MIDEAS: variants seen among roughly 807,000 people sequenced by gnomAD.
MIDEAS encodes mitotic deacetylase associated SANT domain protein.
In MIDEAS, 26 loss-of-function variants were observed where a neutral mutation model predicts 102.7. The ratio of observed to expected loss-of-function variants is 0.25; its 90% CI spans 0.19 to 0.35. MIDEAS has a LOEUF of 0.35. Ranked by LOEUF, MIDEAS falls within the 10% of genes least tolerant of loss-of-function variation. MIDEAS has a pLI of 1.00. For missense variants in MIDEAS, 1,231 were observed against 1,435.6 expected, an observed-to-expected ratio of 0.86 and a Z score of 2.30; for synonymous variants, 585 against 591.0, an observed-to-expected ratio of 0.99 and a Z score of 0.15.
At chr14:73,761,855 G>A (rs1385180205), upstream of MIDEAS, among the ~76,000 whole-genome samples, 2 of 152,146 alleles carry the variant, frequency 1.3e-5, no homozygotes, top group Non-Finnish European at 2.9e-5. Flanking sequence ...AGGTCACAGG[G>A]CAAGCCAAGC....
intron 1 of MIDEAS, among the ~76,000 whole-genome samples, chr14:73,786,212 C>T (rs2053806914): frequency 1.3e-5 from 2 of 152,198 alleles, no homozygotes; most frequent in Admixed American, 6.5e-5. Flanking sequence ...GCCGCCAGCC[C>T]CTAGTTACTC....
At position 73,718,950 on chromosome 14, in the gene MIDEAS, TCTC is replaced by T. The variant is rs2052940065; in HGVS notation, c.3190_3192del (p.Glu1064del). On this transcript the variant is annotated inframe_deletion, in exon 13 of 13. Coordinates refer to ENST00000423556, the MANE Select transcript of MIDEAS (RefSeq NM_001367710.1). ...TTCAGCCTCAGCGCTGCAGCCTTCT[TCTC>T]CTGCTCTGCGTGGCTCTTCATATGC... is the stretch of plus-strand genomic sequence containing the variant. 1.3e-5 allele frequency: 20 copies of T among 1,523,112 alleles called. No individual in the cohort carries two copies. The highest frequency in any genetic ancestry group is 1.6e-5 in the Non-Finnish European group (18 of 1,142,596). The allele number at this position is 1,523,112 out of a possible 1,614,324, so 94.3% of individuals were successfully genotyped here.
intron 1 of MIDEAS, among the ~76,000 whole-genome samples, chr14:73,754,026 C>T (rs2053452957): frequency 6.6e-6 from 1 of 152,144 alleles, no homozygotes; most frequent in African/African-American, 2.4e-5. Flanking sequence ...GAAGGGACTC[C>T]AGTGTGGCAG....
At chr14:73,766,958 T>C (rs900503595) in intron 1 of MIDEAS, among the ~76,000 whole-genome samples, 1 of 149,512 alleles carries the variant, frequency 6.7e-6, no homozygotes, top group African/African-American at 2.5e-5. Context: ...TGGGTTCAAG[T>C]GATTCTTCTG....
intron 3 of MIDEAS, among the ~76,000 whole-genome samples, chr14:73,731,930 C>T (rs919246526): frequency 6.6e-6 from 1 of 152,212 alleles, no homozygotes; most frequent in African/African-American, 2.4e-5. Flanking sequence ...TAACAAAACA[C>T]AAACCTCCCC....
chr14:73,715,326 CTATTT>C lies in MIDEAS; in HGVS notation c.*3512_*3516del, dbSNP rs1351088974. ...AAGAGGTAATATTTATATATGTACACTATTTTAATATGTAACAGTCTTTTTAAAAA... is the reference window on the plus strand; with the variant it reads ...AAGAGGTAATATTTATATATGTACACTAATATGTAACAGTCTTTTTAAAAA... On this transcript the variant is annotated 3_prime_UTR_variant, in exon 13 of 13. Transcript: ENST00000423556. 3 of 152,544 alleles carry C rather than the reference CTATTT, an allele frequency of 2.0e-5. No homozygotes were observed. Among genetic ancestry groups the C allele is most frequent in the African/African-American group, 7.2e-5 (3 of 41,414 alleles). 9.4% of individuals were successfully genotyped at this position (152,544 alleles called of 1,614,324 possible). A position where few individuals can be genotyped will look rare whatever the true frequency, so the allele number is the denominator to read the frequency against.
chr14:73,731,961 A>G (rs561068707), intron 3 of MIDEAS, among the ~76,000 whole-genome samples: 1 of 152,382 alleles, frequency 6.6e-6, no homozygotes, highest in Non-Finnish European at 1.5e-5. Context: ...GTGTAGTACA[A>G]GTACTCACAG....
Position 73,742,409 on chromosome 14 carries a change from G to T in MIDEAS, c.-247-2154C>A. On this transcript the variant is annotated intron_variant, in intron 1 of 12. Coordinates refer to ENST00000423556, the MANE Select transcript of MIDEAS (RefSeq NM_001367710.1). The surrounding 1 kb of genome is among the most constrained non-coding windows in gnomAD (Gnocchi z 4.4). ...AGGGGTGCGCCCCCTCCATGGGGAT[G>T]GCTGCTCAGAAGGAGATGAGGCGGG... is the stretch of plus-strand genomic sequence containing the variant. Among the ~76,000 whole-genome samples the T allele has an allele frequency of 6.6e-6, 1 of 152,362 alleles. No homozygotes were observed. The highest frequency in any genetic ancestry group is 1.9e-4 in the East Asian group (1 of 5,178).
chr14:73,732,480 C>G (rs1042227098), intron 3 of MIDEAS, among the ~76,000 whole-genome samples: 1 of 152,150 alleles, frequency 6.6e-6, no homozygotes, highest in Non-Finnish European at 1.5e-5. Context: ...ATTTAAGGAA[C>G]TGACACAATA....
intron 1 of MIDEAS, among the ~76,000 whole-genome samples, chr14:73,774,610 TCTC>T (rs2053673848): frequency 6.6e-6 from 1 of 151,854 alleles, no homozygotes; most frequent in African/African-American, 2.4e-5. Context: ...ACCACAGACA[TCTC>T]CTCAGTGTCC....
chr14:73,757,216 G>A (rs1595285861), intron 1 of MIDEAS, among the ~76,000 whole-genome samples: 1 of 135,016 alleles, frequency 7.4e-6, no homozygotes, highest in South Asian at 2.4e-4. Context: ...AGATTGCAGC[G>A]ACCTGAGATC....
intron 1 of MIDEAS, among the ~76,000 whole-genome samples, chr14:73,783,127 T>C (rs1372457653): frequency 1.3e-5 from 2 of 152,190 alleles, no homozygotes; most frequent in African/African-American, 4.8e-5. Flanking sequence ...CAAAGGCTCA[T>C]TTAATTTGCT....
At chr14:73,762,595 T>C (rs1301087425), upstream of MIDEAS, among the ~76,000 whole-genome samples, 1 of 152,232 alleles carries the variant, frequency 6.6e-6, no homozygotes, top group Admixed American at 6.5e-5. Context: ...TAAAGAAAGC[T>C]GCAGCGCTTC....
At chr14:73,732,548 G>A (rs1313066431) in intron 3 of MIDEAS, among the ~76,000 whole-genome samples, 1 of 152,172 alleles carries the variant, frequency 6.6e-6, no homozygotes, top group African/African-American at 2.4e-5. Flanking sequence ...CACTTTGGGA[G>A]GCCAAGGTGG....
chr14:73,776,239 G>A (rs538604723), intron 1 of MIDEAS, among the ~76,000 whole-genome samples: 5 of 152,102 alleles, frequency 3.3e-5, no homozygotes, highest in African/African-American at 9.6e-5. Flanking sequence ...TCCAGATGCC[G>A]GGATGATCTC....
chr14:73,777,859 A>C (rs889454417), intron 1 of MIDEAS, among the ~76,000 whole-genome samples: 1 of 151,938 alleles, frequency 6.6e-6, no homozygotes, highest in Non-Finnish European at 1.5e-5. Context: ...ACACCTTGAC[A>C]TTGATACCTG....
chr14:73,767,318 G>A (rs974420985), intron 1 of MIDEAS, among the ~76,000 whole-genome samples: 1 of 152,166 alleles, frequency 6.6e-6, no homozygotes, highest in Non-Finnish European at 1.5e-5. Flanking sequence ...CATTATCTGA[G>A]CTCAGTAGCT....
Position 73,723,052 on chromosome 14 carries a change from A to G in MIDEAS, c.2575-205T>C, listed in dbSNP as rs891914368. 8.2e-6 allele frequency: 4 copies of G among 488,088 alleles called. No individual in the cohort carries two copies. In the Admixed American group the frequency reaches 1.5e-4, roughly 18 times the overall value. The allele number at this position is 488,088 out of a possible 1,614,324, so 30.2% of individuals were successfully genotyped here. A position where few individuals can be genotyped will look rare whatever the true frequency, so the allele number is the denominator to read the frequency against. On this transcript the variant is annotated intron_variant, in intron 9 of 12. Coordinates refer to ENST00000423556, the MANE Select transcript of MIDEAS (RefSeq NM_001367710.1). The stretch of plus-strand genomic sequence containing the variant: ...AATCAATGCTTCAGCACTATTTAAA[A>G]TAAGTAAATAAATAAAAAAAGCTAT...
chr14:73,768,027 G>T (rs920084323), intron 1 of MIDEAS, among the ~76,000 whole-genome samples: 2 of 152,090 alleles, frequency 1.3e-5, no homozygotes, highest in African/African-American at 2.4e-5. Flanking sequence ...GGGCATGGTG[G>T]TGTGTGCCTG....
Sources: allele counts gnomAD v4.1 joint callset (sites outside exome capture counted in the v4.1 genomes callset), GRCh38; gene constraint gnomAD v4.1.1; non-coding constraint Gnocchi (gnomAD v3.1); transcripts MANE v1.5; gene names NCBI Gene and HGNC (gene_info 2026-07-23, HGNC 2026-07-21).